Variants in L3MBTL4 observed in about 807,000 individuals in gnomAD.
L3MBTL4 encodes lethal(3)malignant brain tumor-like protein 4.
A neutral mutation model predicts 84.5 loss-of-function variants in L3MBTL4; 70 were observed. The observed-to-expected ratio is 0.83, with a 90% CI of 0.68 to 1.01. L3MBTL4 has a LOEUF of 1.01. Ranked by LOEUF, L3MBTL4 falls within the 50% of genes least tolerant of loss-of-function variation. The pLI is 0.00. For missense variants in L3MBTL4, 715 were observed against 754.8 expected (o/e 0.95, Z 0.62); for synonymous variants, 274 against 259.8 (o/e 1.05, Z -0.52).
chr18:6,307,329 C>T (rs573120847), intron 3 of L3MBTL4, among the ~76,000 whole-genome samples: 3 of 150,502 alleles, frequency 2.0e-5, no homozygotes, highest in African/African-American at 7.3e-5. Flanking sequence ...CCCAGCTACT[C>T]GGGAGGCTGA....
chr18:6,196,035 A>G (rs1408805818), intron 12 of L3MBTL4, among the ~76,000 whole-genome samples: 1 of 151,990 alleles, frequency 6.6e-6, no homozygotes, highest in Non-Finnish European at 1.5e-5. Context: ...ACATTCACAC[A>G]GTAACCAGCC....
chr18:6,079,312 C>T (rs1408922042), intron 16 of L3MBTL4, among the ~76,000 whole-genome samples: 3 of 152,220 alleles, frequency 2.0e-5, no homozygotes, highest in Non-Finnish European at 4.4e-5. Flanking sequence ...CACAGGCAGC[C>T]GTGTGCTCCA....
chr18:6,413,067 A>G (rs1383091755), intron 1 of L3MBTL4, among the ~76,000 whole-genome samples: 1 of 152,296 alleles, frequency 6.6e-6, no homozygotes, highest in East Asian at 1.9e-4. Flanking sequence ...CCTGGGTGAC[A>G]GAGTGAGACC....
At chr18:6,406,071 T>C (rs559820135) in intron 1 of L3MBTL4, among the ~76,000 whole-genome samples, 10 of 152,234 alleles carry the variant, frequency 6.6e-5, no homozygotes, top group Non-Finnish European at 1.2e-4. Context: ...TAAGTATTAA[T>C]TATTACTCTA....
chr18:6,204,798 A>G (rs534553454), intron 12 of L3MBTL4, among the ~76,000 whole-genome samples: 144 of 152,288 alleles, frequency 9.5e-4, no homozygotes, highest in African/African-American at 3.4e-3. Context: ...GAACTGTCAC[A>G]CTATCCTTGC....
At chr18:6,017,854 C>T (rs940941647) in intron 16 of L3MBTL4, 2 of 152,172 alleles carry the variant, frequency 1.3e-5, no homozygotes, top group Non-Finnish European at 2.9e-5. Context: ...GCAATTAATT[C>T]TGAGAGCTGG....
intron 1 of L3MBTL4, among the ~76,000 whole-genome samples, chr18:6,326,153 C>A (rs1405043738): frequency 1.3e-5 from 2 of 152,152 alleles, no homozygotes; most frequent in Non-Finnish European, 2.9e-5. Flanking sequence ...ATAAGCTGCG[C>A]CCTGGCATTT....
At position 6,021,769 on chromosome 18, in the gene L3MBTL4, G is replaced by A. The variant is rs149157389; in HGVS notation, c.1445-52207C>T. 1.0e-3 allele frequency among the ~76,000 whole-genome samples: 153 copies of A among 152,064 alleles called. 1 individual carries two copies. The highest frequency in any genetic ancestry group is 3.2e-3 in the African/African-American group (133 of 41,460). The stretch of plus-strand genomic sequence containing the variant: ...CCCAGTTCTCCTGGTGCAGCGGGGT[G>A]GGGGGGTGGCGGGTTTATCAGCCTC... On this transcript the variant is annotated intron_variant, in intron 16 of 18. Coordinates refer to ENST00000317931, the MANE Select transcript of L3MBTL4 (RefSeq NM_001330559.2).
At chr18:6,195,122 A>G (rs1407555997) in intron 12 of L3MBTL4, among the ~76,000 whole-genome samples, 1 of 152,180 alleles carries the variant, frequency 6.6e-6, no homozygotes, top group Non-Finnish European at 1.5e-5. Context: ...GGAGGTAATG[A>G]TCATGGATGA....
chr18:6,398,784 A>G (rs564898121), intron 1 of L3MBTL4, among the ~76,000 whole-genome samples: 12 of 151,622 alleles, frequency 7.9e-5, no homozygotes, highest in East Asian at 5.8e-4. Context: ...GAAGACTCAA[A>G]CTCCCAAAGA....
chr18:6,106,448 T>C (rs1025546463), intron 14 of L3MBTL4, among the ~76,000 whole-genome samples: 2 of 152,214 alleles, frequency 1.3e-5, no homozygotes, highest in African/African-American at 4.8e-5. Flanking sequence ...TTCCCGAATG[T>C]ACTGAGTTGC....
chr18:6,376,462 C>T (rs1458639668), intron 1 of L3MBTL4, among the ~76,000 whole-genome samples: 4 of 152,172 alleles, frequency 2.6e-5, no homozygotes, highest in East Asian at 1.9e-4. Context: ...GCCCCAGCTG[C>T]GCACAGTGGC....
intron 12 of L3MBTL4, among the ~76,000 whole-genome samples, chr18:6,178,936 C>G (rs780953099): frequency 3.3e-5 from 5 of 152,144 alleles, no homozygotes; most frequent in Non-Finnish European, 5.9e-5. Flanking sequence ...GTTCGCTGCT[C>G]CCATGGCACT....
At chr18:6,384,557 G>T (rs936939656) in intron 1 of L3MBTL4, among the ~76,000 whole-genome samples, 4 of 152,148 alleles carry the variant, frequency 2.6e-5, no homozygotes, top group Admixed American at 6.5e-5. Context: ...CACTGAATCT[G>T]GGACACTATT....
intron 1 of L3MBTL4, among the ~76,000 whole-genome samples, chr18:6,380,897 G>A (rs2054570929): frequency 6.6e-6 from 1 of 152,130 alleles, no homozygotes; most frequent in Admixed American, 6.5e-5. Context: ...TTGTTGATCT[G>A]TCTAATATTG....
At chr18:6,410,432 C>A (rs149688318) in intron 1 of L3MBTL4, among the ~76,000 whole-genome samples, 1 of 152,274 alleles carries the variant, frequency 6.6e-6, no homozygotes, top group African/African-American at 2.4e-5. Flanking sequence ...AGCGTCATGT[C>A]GGCATAGTCA....
intron 13 of L3MBTL4, among the ~76,000 whole-genome samples, chr18:6,155,764 T>C (rs1005823053): frequency 6.6e-6 from 1 of 152,200 alleles, no homozygotes; most frequent in Non-Finnish European, 1.5e-5. Context: ...AATTTTAGGT[T>C]TGTGTATATT....
chr18:6,400,116 AATTT>A (rs1384181870), intron 1 of L3MBTL4, among the ~76,000 whole-genome samples: 1 of 152,238 alleles, frequency 6.6e-6, no homozygotes, highest in Admixed American at 6.5e-5. Context: ...TGTGGTCGAA[AATTT>A]AAAGTTAGGA....
At chr18:6,142,551 C>T (rs1405716118) in intron 13 of L3MBTL4, among the ~76,000 whole-genome samples, 1 of 152,148 alleles carries the variant, frequency 6.6e-6, no homozygotes, top group Non-Finnish European at 1.5e-5. Flanking sequence ...TAGAGCTACC[C>T]TATTCAAAGC....
Sources: allele counts gnomAD v4.1 joint callset (sites outside exome capture counted in the v4.1 genomes callset), GRCh38; gene constraint gnomAD v4.1.1; transcripts MANE v1.5; gene names NCBI Gene and HGNC (gene_info 2026-07-23, HGNC 2026-07-21).